FAT3: variants seen among roughly 807,000 people sequenced by gnomAD.
FAT3 encodes protocadherin Fat 3.
In FAT3, 95 loss-of-function variants were observed where a neutral mutation model predicts 310.2. That is an observed-to-expected ratio of 0.31 (90% CI 0.26 to 0.36). FAT3 has a LOEUF of 0.36. Ranked by LOEUF, FAT3 falls within the 10% of genes least tolerant of loss-of-function variation. The pLI is 1.00. For missense variants in FAT3, 5,408 were observed against 5,715.6 expected, an observed-to-expected ratio of 0.95 and a Z score of 1.74; for synonymous variants, 2,314 against 2,192.9, an observed-to-expected ratio of 1.06 and a Z score of -1.54.
At chr11:92,304,892 T>C (rs565688309) in intron 1 of FAT3, among the ~76,000 whole-genome samples, 6 of 152,238 alleles carry the variant, frequency 3.9e-5, no homozygotes, top group African/African-American at 1.4e-4. Context: ...GATGATCCTT[T>C]AAATGGGTCA....
intron 2 of FAT3, among the ~76,000 whole-genome samples, chr11:92,412,258 A>C (rs1011278653): frequency 1.1e-4 from 16 of 151,840 alleles, no homozygotes; most frequent in African/African-American, 3.9e-4. Flanking sequence ...GCGTGCCACC[A>C]CACCCAGCTA....
chr11:92,313,810 G>A lies in FAT3; in HGVS notation c.-17-38286G>A, dbSNP rs11019900. 1.8e-4 allele frequency among the ~76,000 whole-genome samples: 28 copies of A among 152,178 alleles called. No individual in the cohort carries two copies. The East Asian group carries it at 3.9e-3, about 21-fold the overall frequency. ...CCTGACCTAGTGATCTGCCGACCTC[G>A]GCCTCCCAAAGTGCTGGGATGACAG... On this transcript the variant is annotated intron_variant, in intron 1 of 27. Coordinates refer to ENST00000525166, the MANE Select transcript of FAT3 (RefSeq NM_001367949.2).
intron 13 of FAT3, among the ~76,000 whole-genome samples, chr11:92,813,201 A>G (rs1198323256): frequency 6.6e-6 from 1 of 152,180 alleles, no homozygotes; most frequent in Non-Finnish European, 1.5e-5. Context: ...AGAACGGACT[A>G]ATATACTTGT....
intron 2 of FAT3, among the ~76,000 whole-genome samples, chr11:92,520,602 A>G (rs1800321477): frequency 6.6e-6 from 1 of 152,132 alleles, no homozygotes; most frequent in Admixed American, 6.5e-5. Context: ...TTTGATTGAT[A>G]AAAGAGGTAA....
chr11:92,813,975 T>C (rs1947751725), intron 13 of FAT3, among the ~76,000 whole-genome samples: 1 of 152,194 alleles, frequency 6.6e-6, no homozygotes, highest in Non-Finnish European at 1.5e-5. Context: ...TCCTGAGGGC[T>C]CTTCAGTGCC....
At chr11:92,567,112 A>T (rs947641171) in intron 3 of FAT3, among the ~76,000 whole-genome samples, 1 of 152,092 alleles carries the variant, frequency 6.6e-6, no homozygotes, top group African/African-American at 2.4e-5. Flanking sequence ...CCTTCAAAAT[A>T]GGAGAAAATT....
At chr11:92,687,282 C>A (rs1439326552) in intron 3 of FAT3, among the ~76,000 whole-genome samples, 1 of 152,084 alleles carries the variant, frequency 6.6e-6, no homozygotes, top group African/African-American at 2.4e-5. Context: ...GACAAGACTG[C>A]GATCAGAGAA....
intron 3 of FAT3, among the ~76,000 whole-genome samples, chr11:92,675,259 T>C (rs1226961542): frequency 1.3e-5 from 2 of 152,196 alleles, no homozygotes; most frequent in Non-Finnish European, 2.9e-5. Flanking sequence ...ATCTGTGCAA[T>C]TGGAAAAAGA....
chr11:92,604,125 C>G (rs1042692032), intron 3 of FAT3, among the ~76,000 whole-genome samples: 6 of 152,134 alleles, frequency 3.9e-5, no homozygotes, highest in Admixed American at 1.3e-4. Flanking sequence ...TTGTGAGTGC[C>G]CATCAGCTAT....
chr11:92,618,442 G>T (rs756883013), intron 3 of FAT3, among the ~76,000 whole-genome samples: 1 of 152,160 alleles, frequency 6.6e-6, no homozygotes, highest in Non-Finnish European at 1.5e-5. Flanking sequence ...GTGAGGCAAT[G>T]CCCCGCCCTG....
intron 1 of FAT3, among the ~76,000 whole-genome samples, chr11:92,266,465 A>G (rs1053026998): frequency 6.6e-6 from 1 of 152,184 alleles, no homozygotes; most frequent in African/African-American, 2.4e-5. Flanking sequence ...GGTACTTTTC[A>G]GCTTTTATCA....
intron 3 of FAT3, among the ~76,000 whole-genome samples, chr11:92,654,648 TC>T (rs1275923977): frequency 6.6e-6 from 1 of 152,228 alleles, no homozygotes; most frequent in Non-Finnish European, 1.5e-5. Context: ...TATTGGCCTG[TC>T]CCTAACCCAA....
At chr11:92,282,513 A>C (rs1946454847) in intron 1 of FAT3, among the ~76,000 whole-genome samples, 1 of 152,020 alleles carries the variant, frequency 6.6e-6, no homozygotes, top group South Asian at 2.1e-4. Context: ...AAAAAGTACA[A>C]AATCAGCTGG....
In FAT3 at chr11:92,527,065, C is replaced by G. The variant is rs564031737; in HGVS notation, c.3607+2117C>G. Among the ~76,000 whole-genome samples, 303 of 152,226 alleles carry G rather than the reference C, an allele frequency of 2.0e-3. 1 individual carries two copies. Among genetic ancestry groups the G allele is most frequent in the African/African-American group, 7.1e-3 (293 of 41,550 alleles). Reference sequence around the variant, plus strand: ...GATATAGCTAAAGATATAAATGATTCCAGCAGGGGAGCTTCACTCAATATA... The same window carrying G: ...GATATAGCTAAAGATATAAATGATTGCAGCAGGGGAGCTTCACTCAATATA... On this transcript the variant is annotated intron_variant, in intron 3 of 27. Coordinates refer to ENST00000525166, the MANE Select transcript of FAT3 (RefSeq NM_001367949.2).
intron 2 of FAT3, among the ~76,000 whole-genome samples, chr11:92,490,660 G>T (rs1376258491): frequency 6.6e-6 from 1 of 151,936 alleles, no homozygotes; most frequent in African/African-American, 2.4e-5. Context: ...TTTGGATGTT[G>T]CATTGAAGGA....
intron 2 of FAT3, among the ~76,000 whole-genome samples, chr11:92,416,890 G>T (rs183127005): frequency 6.6e-5 from 10 of 152,280 alleles, no homozygotes; most frequent in Admixed American, 5.9e-4. Flanking sequence ...TTTGACCTTT[G>T]GTTGGAGCAG....
chr11:92,501,446 A>G (rs12790178), intron 2 of FAT3, among the ~76,000 whole-genome samples: 3,421 of 152,174 alleles, frequency 0.022, 36 homozygotes, highest in Middle Eastern at 0.045. Context: ...GGAAGCCTGT[A>G]AATAGCAAAG....
intron 6 of FAT3, among the ~76,000 whole-genome samples, chr11:92,770,448 A>G (rs1946429589): frequency 6.6e-6 from 1 of 152,168 alleles, no homozygotes; most frequent in Non-Finnish European, 1.5e-5. Context: ...GGGGAAAATG[A>G]TAATTGGTGT....
chr11:92,346,681 C>G (rs1445882456), intron 1 of FAT3, among the ~76,000 whole-genome samples: 1 of 152,102 alleles, frequency 6.6e-6, no homozygotes, highest in East Asian at 1.9e-4. Context: ...AACTCTTATA[C>G]TCCCCATTTT....
Sources: gnomAD v4.1 joint callset for allele counts (sites outside exome capture counted in the v4.1 genomes callset) on GRCh38, gnomAD v4.1.1 for gene constraint, MANE v1.5 for transcripts, NCBI Gene and HGNC (gene_info 2026-07-23, HGNC 2026-07-21) for gene names.